Variants in FUNDC2 observed in about 807,000 individuals in gnomAD.
The protein encoded by FUNDC2 is FUN14 domain-containing protein 2.
FUNDC2 carries 4 observed loss-of-function variants against 15.6 expected under a neutral mutation model. That is an observed-to-expected ratio of 0.26 (90% CI 0.13 to 0.59). The LOEUF is 0.59. Among genes scored for constraint, FUNDC2 ranks in the 20% least tolerant of loss-of-function variants. FUNDC2 has a pLI of 0.90. For missense variants in FUNDC2, 98 were observed against 149.7 expected (o/e 0.65, Z 1.80); for synonymous variants, 44 against 56.9 (o/e 0.77, Z 1.02).
intron 1 of FUNDC2, among the ~76,000 whole-genome samples, chrX:155,031,392 G>A (rs782777271): frequency 4.5e-5 from 5 of 111,772 alleles, no homozygotes; most frequent in Non-Finnish European, 7.5e-5. Context: ...GCAGTGGTGC[G>A]ATCCTTGGCT....
chrX:155,049,363 T>C lies in FUNDC2; in HGVS notation c.361-2307T>C, dbSNP rs144636080. ...GGGACTTCACCACCACCATTACTAC[T>C]TTTGCCCCCTTGTGAAAAATCAGTT... is the stretch of plus-strand genomic sequence containing the variant. On this transcript the variant is annotated intron_variant, in intron 3 of 4. Transcript: ENST00000369498. The C allele has an allele frequency of 5.4e-3, 611 of 113,061 alleles. 6 individuals are homozygous for C. Among genetic ancestry groups the C allele is most frequent in the African/African-American group, 0.019 (582 of 31,140 alleles). The allele number at this position is 113,061 out of a possible 1,213,427, so 9.3% of individuals were successfully genotyped here. A position where few individuals can be genotyped will look rare whatever the true frequency, so the allele number is the denominator to read the frequency against.
chrX:155,044,071 G>T (rs782012281), intron 2 of FUNDC2, among the ~76,000 whole-genome samples: 1 of 111,997 alleles, frequency 8.9e-6, no homozygotes, highest in Non-Finnish European at 1.9e-5. Flanking sequence ...GGTCAGCAAA[G>T]TTTTTCTGTA....
intron 1 of FUNDC2, among the ~76,000 whole-genome samples, chrX:155,029,357 G>A (rs1391266876): frequency 8.9e-6 from 1 of 112,394 alleles, no homozygotes; most frequent in Middle Eastern, 4.2e-3. Context: ...TTTGCTTCAT[G>A]AAGTTTTGGA....
chrX:155,056,471 C>T lies in FUNDC2; in HGVS notation c.*1799C>T, dbSNP rs2073897495. On this transcript the variant is annotated 3_prime_UTR_variant, in exon 5 of 5. Transcript: ENST00000369498. ...TGAATCAAAATTCATGCAAGGTTCA[C>T]ATCGTATTTGCATGATTTGGATAAG... The T allele has an allele frequency of 9.0e-6, 1 of 110,709 alleles. No homozygotes were observed. The highest frequency in any genetic ancestry group is 1.9e-5 in the Non-Finnish European group (1 of 52,960). The allele number at this position is 110,709 out of a possible 1,213,427, so 9.1% of individuals were successfully genotyped here. A position where few individuals can be genotyped will look rare whatever the true frequency, so the allele number is the denominator to read the frequency against.
intron 2 of FUNDC2, among the ~76,000 whole-genome samples, chrX:155,042,068 C>CA (rs781894363): frequency 0.044 from 967 of 21,794 alleles, 37 homozygotes; most frequent in African/African-American, 0.11. Context: ...GACTCCGTCT[C>CA]AAAAAAAAAA....
At chrX:155,029,923 T>C (rs916976928) in intron 1 of FUNDC2, among the ~76,000 whole-genome samples, 4 of 111,219 alleles carry the variant, frequency 3.6e-5, no homozygotes, top group African/African-American at 1.3e-4. Flanking sequence ...TTGGCAGTGT[T>C]TTGTAGTTTG....
At chrX:155,054,028 G>A (rs2073886385) in intron 4 of FUNDC2, 1 of 753,484 alleles carries the variant, frequency 1.3e-6, no homozygotes, top group Non-Finnish European at 1.6e-6. Context: ...GGAACTTAAG[G>A]AAATAAGAAC....
chrX:155,027,134 G>A (rs2073795582), intron 1 of FUNDC2, 63 bp downstream of exon 1: 1 of 1,021,227 alleles, frequency 9.8e-7, no homozygotes, highest in Non-Finnish European at 1.3e-6. Flanking sequence ...TCCGGAAGGG[G>A]AAGGGCTCCG....
At chrX:155,048,853 C>T (rs2073871528) in intron 3 of FUNDC2, among the ~76,000 whole-genome samples, 1 of 112,092 alleles carries the variant, frequency 8.9e-6, no homozygotes, top group Non-Finnish European at 1.9e-5. Flanking sequence ...TTTAGTTGCT[C>T]TTGTGGATGA....
At chrX:155,029,925 T>G (rs1290045175) in intron 1 of FUNDC2, among the ~76,000 whole-genome samples, 1 of 111,384 alleles carries the variant, frequency 9.0e-6, no homozygotes, top group Non-Finnish European at 1.9e-5. Flanking sequence ...GGCAGTGTTT[T>G]GTAGTTTGCA....
At chrX:155,027,813 A>G (rs1475399780) in intron 1 of FUNDC2, among the ~76,000 whole-genome samples, 5 of 112,132 alleles carry the variant, frequency 4.5e-5, no homozygotes, top group Non-Finnish European at 5.6e-5. Context: ...TGGAGGAGAT[A>G]CTATACTATG....
At position 155,057,487 on chromosome X, in the gene FUNDC2, G is replaced by C. The variant is rs782217394; in HGVS notation, c.*2815G>C. The C allele has an allele frequency of 9.0e-6, 1 of 111,559 alleles. No individual in the cohort carries two copies. The highest frequency in any genetic ancestry group is 3.3e-5 in the African/African-American group (1 of 30,528). 9.2% of individuals were successfully genotyped at this position (111,559 alleles called of 1,213,427 possible). On this transcript the variant is annotated 3_prime_UTR_variant, in exon 5 of 5. Transcript: ENST00000369498. ...TGGGAAGAGCGTTGTCGCTGTATAT[G>C]GTCCGCAGAAACTTGACTTGGAATG...
intron 1 of FUNDC2, among the ~76,000 whole-genome samples, chrX:155,030,876 G>T (rs1161645948): frequency 9.2e-6 from 1 of 109,039 alleles, no homozygotes; most frequent in South Asian, 3.9e-4. Flanking sequence ...TAGTAGAGAC[G>T]GGGTTTTACC....
chrX:155,037,731 G>A (rs1215282358), intron 2 of FUNDC2, among the ~76,000 whole-genome samples: 4 of 109,847 alleles, frequency 3.6e-5, no homozygotes, highest in African/African-American at 1.3e-4. Flanking sequence ...TGATCTGCCT[G>A]CCTCAGCCTT....
rs782423505 is a variant in FUNDC2, at chrX:155,033,387, G to A, written c.134-16G>A. On this transcript the variant is annotated splice_polypyrimidine_tract_variant and intron_variant, in intron 1 of 4. Transcript: ENST00000369498. ...AAAAGTAAATATTTTCTTATTTAAC[G>A]TATTACTTCTTGTAGGAAACTTTGA... 10 of 1,174,541 alleles carry A rather than the reference G, an allele frequency of 8.5e-6. No homozygotes were observed. The highest frequency in any genetic ancestry group is 6.0e-5 in the East Asian group (2 of 33,573).
chrX:155,030,325 G>A (rs2073810630), intron 1 of FUNDC2, among the ~76,000 whole-genome samples: 2 of 92,194 alleles, frequency 2.2e-5, no homozygotes, highest in African/African-American at 8.5e-5. Context: ...GGGGCCAGGA[G>A]TTCCAGACCA....
chrX:155,033,054 C>A (rs1049393678), intron 1 of FUNDC2: 1 of 124,375 alleles, frequency 8.0e-6, no homozygotes, highest in African/African-American at 3.2e-5. Context: ...GCCATTTTGG[C>A]CAGACTGGTT....
At chrX:155,044,593 C>T (rs1477615094) in intron 2 of FUNDC2, among the ~76,000 whole-genome samples, 4 of 111,885 alleles carry the variant, frequency 3.6e-5, no homozygotes, top group African/African-American at 1.3e-4. Context: ...AAATGGCCAC[C>T]AGAGGTATAT....
chrX:155,042,261 A>C (rs1285136974), intron 2 of FUNDC2, among the ~76,000 whole-genome samples: 1 of 85,605 alleles, frequency 1.2e-5, no homozygotes, highest in Non-Finnish European at 2.1e-5. Context: ...ATCTCAGCTC[A>C]CTGCAACCTC....
Sources: allele counts gnomAD v4.1 joint callset (sites outside exome capture counted in the v4.1 genomes callset), GRCh38; gene constraint gnomAD v4.1.1; transcripts MANE v1.5; gene names NCBI Gene and HGNC (gene_info 2026-07-23, HGNC 2026-07-21).